Variants in PLA2G12B observed in about 807,000 individuals in gnomAD.
PLA2G12B encodes the protein phospholipase A2 group XIIB.
Under a neutral mutation model 22.3 loss-of-function variants are expected in PLA2G12B, and 19 were observed. The ratio of observed to expected loss-of-function variants is 0.85; its 90% CI spans 0.60 to 1.25. The LOEUF is 1.25. Ranked by LOEUF, PLA2G12B falls within the 50% of genes most tolerant of loss-of-function variation. The probability of loss-of-function intolerance (pLI) is 0.00; values close to 1 mark genes in which losing one functional copy is unlikely to be tolerated. For synonymous variants in PLA2G12B, 81 were observed against 94.9 expected (o/e 0.85, Z 0.85); for missense variants, 191 against 246.6 (o/e 0.77, Z 1.51).
chr10:72,954,647 G>A lies in PLA2G12B; in HGVS notation c.39C>T (p.Ser13=), dbSNP rs1481634947. 1 of 1,613,910 alleles carries A rather than the reference G, an allele frequency of 6.2e-7. No individual in the cohort carries two copies. Among genetic ancestry groups the A allele is most frequent in the Non-Finnish European group, 8.5e-7 (1 of 1,180,016 alleles). ...CGCTCTGAGCCAGGCCACCCCCAAG[G>A]CTGAGCCACAAAACCAAGAAGCCAC... The part of the protein sequence containing the change: ...LASGFLVLWL[S]LGGGLAQSDT... Residue 13 remains serine (S), a synonymous_variant, in exon 1 of 4, where the codon AGC becomes AGT. Coordinates refer to ENST00000373032, the MANE Select transcript of PLA2G12B (RefSeq NM_032562.5).
rs1233175698 is a variant in PLA2G12B, at chr10:72,934,895, A to T, written c.*722T>A. On this transcript the variant is annotated 3_prime_UTR_variant, in exon 4 of 4. Transcript: ENST00000373032. ...GCTCCATCAGTAACTCTTAGCAAGTACATCTCAGATCTTAGCATGACTCTA... is the reference window on the plus strand; with the variant it reads ...GCTCCATCAGTAACTCTTAGCAAGTTCATCTCAGATCTTAGCATGACTCTA... 1.3e-5 allele frequency among the ~76,000 whole-genome samples: 2 copies of T among 152,204 alleles called. No homozygotes were observed. Among genetic ancestry groups the T allele is most frequent in the African/African-American group, 4.8e-5 (2 of 41,456 alleles).
chr10:72,951,542 C>T lies in PLA2G12B; in HGVS notation c.211+2933G>A, dbSNP rs546954023. ...GTGAGATCTCAGCTCACTGCAAGCTCTGCCTCCCAGGTTCACACCATTCTC... is the reference window on the plus strand; with the variant it reads ...GTGAGATCTCAGCTCACTGCAAGCTTTGCCTCCCAGGTTCACACCATTCTC... On this transcript the variant is annotated intron_variant, in intron 1 of 3. Transcript: ENST00000373032. 1.3e-3 allele frequency among the ~76,000 whole-genome samples: 192 copies of T among 146,972 alleles called. 1 individual carries two copies. The highest frequency in any genetic ancestry group is 7.2e-3 in the South Asian group (33 of 4,594).
At chr10:72,946,339 T>A (rs1846440277) in intron 1 of PLA2G12B, among the ~76,000 whole-genome samples, 1 of 152,210 alleles carries the variant, frequency 6.6e-6, no homozygotes. Flanking sequence ...ACATACCACA[T>A]TTTTTTACCC....
intron 1 of PLA2G12B, among the ~76,000 whole-genome samples, chr10:72,952,583 G>A (rs891633951): frequency 2.0e-5 from 3 of 152,208 alleles, no homozygotes; most frequent in Non-Finnish European, 4.4e-5. Flanking sequence ...GAGCAGACTC[G>A]TTGTTAGGTG....
intron 3 of PLA2G12B, among the ~76,000 whole-genome samples, chr10:72,940,723 G>T (rs1416597057): frequency 1.3e-5 from 2 of 151,112 alleles, no homozygotes; most frequent in African/African-American, 4.9e-5. Context: ...AGTATATAGA[G>T]ACCTTTATGC....
At chr10:72,937,081 G>A (rs1023400200) in intron 3 of PLA2G12B, among the ~76,000 whole-genome samples, 1 of 152,042 alleles carries the variant, frequency 6.6e-6, no homozygotes, top group Non-Finnish European at 1.5e-5. Flanking sequence ...CGTGGTGGCG[G>A]GCGCCTGTAG....
chr10:72,948,389 T>C (rs541657871), intron 1 of PLA2G12B, among the ~76,000 whole-genome samples: 2 of 152,348 alleles, frequency 1.3e-5, no homozygotes, highest in Admixed American at 1.3e-4. Context: ...TTATGTTAAC[T>C]GCAGAAATTC....
chr10:72,945,116 G>C (rs2132973516), intron 1 of PLA2G12B, among the ~76,000 whole-genome samples: 1 of 152,298 alleles, frequency 6.6e-6, no homozygotes, highest in East Asian at 1.9e-4. Context: ...GCCACAGTTT[G>C]GGTATTTGTT....
At chr10:72,944,454 A>C (rs1399135198) in intron 1 of PLA2G12B, among the ~76,000 whole-genome samples, 1 of 152,186 alleles carries the variant, frequency 6.6e-6, no homozygotes, top group Non-Finnish European at 1.5e-5. Context: ...AATTTGTAGA[A>C]TCAACTTAGT....
In PLA2G12B at chr10:72,954,674, G is replaced by A; in HGVS notation, c.12C>T (p.Ala4=). The A allele has an allele frequency of 2.5e-6, 4 of 1,613,980 alleles. No individual in the cohort carries two copies. Among genetic ancestry groups the A allele is most frequent in the Middle Eastern group, 1.7e-4 (1 of 6,060 alleles). MKL[A]SGFLVLWLSL... Reference sequence around the variant, plus strand: ...TGAGCCACAAAACCAAGAAGCCACTGGCCAGCTTCATCCTGCAGCCAGGTA... The same window carrying A: ...TGAGCCACAAAACCAAGAAGCCACTAGCCAGCTTCATCCTGCAGCCAGGTA... The change falls in exon 1 of 4, where the codon GCC becomes GCT. Residue 4 remains alanine, a synonymous_variant. Transcript: ENST00000373032.
Position 72,944,372 on chromosome 10 carries a change from C to T in PLA2G12B, c.212-1632G>A, listed in dbSNP as rs181593868. 1.2e-3 allele frequency among the ~76,000 whole-genome samples: 177 copies of T among 152,204 alleles called. 2 individuals carry two copies. The highest frequency in any genetic ancestry group is 6.8e-3 in the Middle Eastern group (2 of 292). ...AGTTTATGTTTTAAAGCCCTCACTTCGTATCATTCTGCAAAATTGTCTTGA... is the reference window on the plus strand; with the variant it reads ...AGTTTATGTTTTAAAGCCCTCACTTTGTATCATTCTGCAAAATTGTCTTGA... On this transcript the variant is annotated intron_variant, in intron 1 of 3. Coordinates refer to ENST00000373032, the MANE Select transcript of PLA2G12B (RefSeq NM_032562.5).
chr10:72,940,049 T>TG (rs1846335341), intron 3 of PLA2G12B, among the ~76,000 whole-genome samples: 1 of 152,196 alleles, frequency 6.6e-6, no homozygotes, highest in Admixed American at 6.5e-5. Context: ...GACCTGACCC[T>TG]AGATTAGCAG....
In PLA2G12B at chr10:72,954,699, A is replaced by G. The variant is rs1846592187; in HGVS notation, c.-14T>C. On this transcript the variant is annotated 5_prime_UTR_variant, in exon 1 of 4. Transcript: ENST00000373032. ...GGCCAGCTTCATCCTGCAGCCAGGT[A>G]GGTACTGGCTTCTCTCCTCAAACCC... 2 of 1,613,276 alleles carry G rather than the reference A, an allele frequency of 1.2e-6. No individual in the cohort carries two copies. Among genetic ancestry groups the G allele is most frequent in the African/African-American group, 1.3e-5 (1 of 74,930 alleles).
chr10:72,953,939 A>G (rs957791891), intron 1 of PLA2G12B, among the ~76,000 whole-genome samples: 1 of 152,198 alleles, frequency 6.6e-6, no homozygotes, highest in Non-Finnish European at 1.5e-5. Context: ...AGGGACTGAG[A>G]GCTGGGAGGA....
intron 3 of PLA2G12B, among the ~76,000 whole-genome samples, chr10:72,940,952 G>A (rs1846350315): frequency 6.6e-6 from 1 of 152,130 alleles, no homozygotes; most frequent in South Asian, 2.1e-4. Flanking sequence ...TTTACCTTCA[G>A]GAGTGGTGCC....
In PLA2G12B at chr10:72,948,292, C is replaced by T. The variant is rs188637666; in HGVS notation, c.212-5552G>A. Among the ~76,000 whole-genome samples, 17 of 152,334 alleles carry T rather than the reference C, an allele frequency of 1.1e-4. No individual in the cohort carries two copies. The East Asian group carries it at 3.1e-3, about 28-fold the overall frequency. On this transcript the variant is annotated intron_variant, in intron 1 of 3. Coordinates refer to ENST00000373032, the MANE Select transcript of PLA2G12B (RefSeq NM_032562.5). ...CCTTGATAACTCACAGAAGATAAAA[C>T]TCTGCTATTCTAGTTTGAAAGATAC...
chr10:72,951,452 C>CTTTTT lies in PLA2G12B; in HGVS notation c.211+3018_211+3022dup, dbSNP rs71482537. Among the ~76,000 whole-genome samples the CTTTTT allele has an allele frequency of 1.0e-4, 12 of 117,118 alleles. 2 individuals are homozygous for CTTTTT. The highest frequency in any genetic ancestry group is 1.2e-4 in the African/African-American group (3 of 24,604). The allele number at this position is 117,118 out of a possible 152,430, so 76.8% of individuals were successfully genotyped here. On this transcript the variant is annotated intron_variant, in intron 1 of 3. Coordinates refer to ENST00000373032, the MANE Select transcript of PLA2G12B (RefSeq NM_032562.5). ...ATCTTGTTTGCATTGGCACAGACTC[C>CTTTTT]TTTTTTTTTTTTTTTTTTTTTTTGA...
chr10:72,938,115 G>GAAAA (rs78360766), intron 3 of PLA2G12B, among the ~76,000 whole-genome samples: 3 of 58,534 alleles, frequency 5.1e-5, no homozygotes, highest in Non-Finnish European at 1.1e-4. Context: ...CTCCATCTCA[G>GAAAA]AAAAAAAAAA....
In PLA2G12B at chr10:72,935,734, G is replaced by A; in HGVS notation, c.471C>T (p.Ala157=). The A allele has an allele frequency of 6.2e-7, 1 of 1,613,194 alleles. No homozygotes were observed. Among genetic ancestry groups the A allele is most frequent in the Non-Finnish European group, 8.5e-7 (1 of 1,179,666 alleles). Residue 157 remains alanine, a synonymous_variant, in exon 4 of 4, where the codon GCC becomes GCT. Coordinates refer to ENST00000373032, the MANE Select transcript of PLA2G12B (RefSeq NM_032562.5). The stretch of plus-strand genomic sequence containing the variant: ...ACACAGTGTCAACCAGGGAATCACA[G>A]GCTGCTTGAAAAAGATGAAGAGGGA... ...SLGFVSKVEA[A]CDSLVDTVFN...
Sources: allele counts gnomAD v4.1 joint callset (sites outside exome capture counted in the v4.1 genomes callset), GRCh38; gene constraint gnomAD v4.1.1; transcripts MANE v1.5; gene names NCBI Gene and HGNC (gene_info 2026-07-23, HGNC 2026-07-21).